C2orf42: variants seen among roughly 807,000 people sequenced by gnomAD.
C2orf42 encodes chromosome 2 open reading frame 42.
C2orf42 carries 44 observed loss-of-function variants against 58.9 expected under a neutral mutation model. That is an observed-to-expected ratio of 0.75 (90% CI 0.59 to 0.96). The LOEUF is 0.96. C2orf42 is among the 40% of genes least tolerant of loss of function. C2orf42 has a pLI of 0.00. For missense variants in C2orf42, 630 were observed against 699.2 expected (o/e 0.90, Z 1.12); for synonymous variants, 239 against 265.4 (o/e 0.90, Z 0.97).
chr2:70,165,291 T>C, intron 7 of C2orf42, 99 bp from the exon 8 acceptor site: 3 of 704,590 alleles, frequency 4.3e-6, no homozygotes, highest in Middle Eastern at 2.6e-4. Context: ...ATTATTTCCT[T>C]ATAGATTCTC....
intron 1 of C2orf42, among the ~76,000 whole-genome samples, chr2:70,188,749 G>A (rs1215024080): frequency 1.3e-5 from 2 of 152,102 alleles, no homozygotes; most frequent in East Asian, 3.9e-4. Context: ...CGTCTCCTTA[G>A]TCCCCTCAAG....
intron 5 of C2orf42, among the ~76,000 whole-genome samples, chr2:70,172,506 C>T (rs764131640): frequency 5.3e-5 from 8 of 151,998 alleles, no homozygotes; most frequent in Non-Finnish European, 8.8e-5. Flanking sequence ...GACGAAACTC[C>T]GTCTCTACTA....
chr2:70,173,655 C>T (rs998265682), intron 5 of C2orf42, among the ~76,000 whole-genome samples: 3 of 151,952 alleles, frequency 2.0e-5, no homozygotes, highest in African/African-American at 7.2e-5. Context: ...GACAAGATTT[C>T]ATCCTGTTAC....
At chr2:70,169,879 C>T (rs907391337) in intron 5 of C2orf42, among the ~76,000 whole-genome samples, 4 of 152,114 alleles carry the variant, frequency 2.6e-5, no homozygotes, top group Admixed American at 6.6e-5. Flanking sequence ...CTGCCTCAGC[C>T]TCCTGAGTAG....
chr2:70,171,087 C>T (rs1673783912), intron 5 of C2orf42, among the ~76,000 whole-genome samples: 1 of 151,244 alleles, frequency 6.6e-6, no homozygotes, highest in Admixed American at 6.6e-5. Flanking sequence ...TGCACTCCAG[C>T]CTGGGTGACA....
chr2:70,173,093 GT>G (rs1673939061), intron 5 of C2orf42, among the ~76,000 whole-genome samples: 1 of 151,894 alleles, frequency 6.6e-6, no homozygotes, highest in African/African-American at 2.4e-5. Context: ...GGAGGCGAAG[GT>G]TGCAGTGAGC....
At chr2:70,162,183 T>G (rs1456659228) in intron 8 of C2orf42, among the ~76,000 whole-genome samples, 1 of 151,714 alleles carries the variant, frequency 6.6e-6, no homozygotes, top group Non-Finnish European at 1.5e-5. Flanking sequence ...GGCTAATTTT[T>G]GTATTCTAGT....
At position 70,175,524 on chromosome 2, in the gene C2orf42, T is replaced by C. The variant is rs761795821; in HGVS notation, c.1039+149A>G. ...TTTAGCTTTGAGCATGATTTGAAACTGGTGGGACAGGAGGGACCTCAGCCT... is the reference window on the plus strand; with the variant it reads ...TTTAGCTTTGAGCATGATTTGAAACCGGTGGGACAGGAGGGACCTCAGCCT... On this transcript the variant is annotated intron_variant, in intron 5 of 9. Coordinates refer to ENST00000264434, the MANE Select transcript of C2orf42 (RefSeq NM_017880.3). 3.3e-5 allele frequency: 22 copies of C among 666,526 alleles called. No individual in the cohort carries two copies. In the East Asian group the frequency reaches 5.3e-4, roughly 16 times the overall value. The allele number at this position is 666,526 out of a possible 1,614,324, so 41.3% of individuals were successfully genotyped here.
chr2:70,183,235 A>T (rs1674693850), intron 1 of C2orf42, among the ~76,000 whole-genome samples: 1 of 152,020 alleles, frequency 6.6e-6, no homozygotes, highest in Admixed American at 6.6e-5. Flanking sequence ...CCAGGAGTTC[A>T]AGACCAGCCT....
chr2:70,173,869 C>A (rs7601752), intron 5 of C2orf42, among the ~76,000 whole-genome samples: 1 of 151,890 alleles, frequency 6.6e-6, no homozygotes, highest in South Asian at 2.1e-4. Context: ...GGATTATAGG[C>A]GTGAGCCACC....
chr2:70,176,754 G>C (rs949315823), intron 4 of C2orf42, among the ~76,000 whole-genome samples: 2 of 152,018 alleles, frequency 1.3e-5, no homozygotes, highest in African/African-American at 4.8e-5. Flanking sequence ...TCAGCTTCCT[G>C]AGTAGCTGGG....
intron 2 of C2orf42, 95 bp from the exon 3 acceptor site, chr2:70,182,092 A>G: frequency 1.5e-6 from 1 of 653,042 alleles, no homozygotes; most frequent in South Asian, 2.0e-5. Context: ...CAAAATATAA[A>G]AAAGCTATCT....
chr2:70,184,716 A>G (rs980431900), intron 1 of C2orf42, among the ~76,000 whole-genome samples: 4 of 151,988 alleles, frequency 2.6e-5, no homozygotes, highest in Admixed American at 2.6e-4. Context: ...CCTGGGCTCA[A>G]GCAATCCTCC....
At chr2:70,168,776 G>A (rs112362634) in intron 6 of C2orf42, among the ~76,000 whole-genome samples, 2 of 140,256 alleles carry the variant, frequency 1.4e-5, no homozygotes, top group Non-Finnish European at 3.1e-5. Flanking sequence ...GCAATGGTGC[G>A]ATCTTGGCTC....
chr2:70,157,641 A>G (rs1672766346), intron 9 of C2orf42, among the ~76,000 whole-genome samples: 1 of 151,998 alleles, frequency 6.6e-6, no homozygotes, highest in Non-Finnish European at 1.5e-5. Context: ...TACTAAAAAT[A>G]CAAAAATTAG....
At position 70,165,300 on chromosome 2, in the gene C2orf42, T is replaced by G. The variant is rs1426383494; in HGVS notation, c.1253-108A>C. On this transcript the variant is annotated intron_variant, in intron 7 of 9. Transcript: ENST00000264434. ...AGTACTATTATTTCCTTATAGATTC[T>G]CAGCACTTTTAAAAAGAAATTCTAG... The G allele has an allele frequency of 5.9e-6, 4 of 681,780 alleles. No individual in the cohort carries two copies. The Admixed American group carries it at 8.7e-5, about 15-fold the overall frequency. The allele number at this position is 681,780 out of a possible 1,614,324, so 42.2% of individuals were successfully genotyped here. A position where few individuals can be genotyped will look rare whatever the true frequency, so the allele number is the denominator to read the frequency against.
chr2:70,160,738 T>C lies in C2orf42; in HGVS notation c.1403A>G (p.Tyr468Cys), dbSNP rs191212969. 7 of 1,612,004 alleles carry C rather than the reference T, an allele frequency of 4.3e-6. No homozygotes were observed. In the African/African-American group the frequency reaches 5.3e-5, roughly 12 times the overall value. ...CACTTTAGGGCATTTAAATAGCTCA[T>C]AAGTCCCATCTCGGTTCTGGATAAA... ...RSFIQNRDGT[Y>C]ELFKCPKVEV... Residue 468 changes from tyrosine (Y) to cysteine (C), a missense_variant, in exon 9 of 10, where the codon TAT becomes TGT. By Grantham distance (194) the Tyr-to-Cys change is radical. Coordinates refer to ENST00000264434, the MANE Select transcript of C2orf42 (RefSeq NM_017880.3).
chr2:70,187,588 G>A (rs1424160222), intron 1 of C2orf42, among the ~76,000 whole-genome samples: 2 of 152,034 alleles, frequency 1.3e-5, no homozygotes, highest in Non-Finnish European at 2.9e-5. Flanking sequence ...TCCAGCAGGC[G>A]ATTTGTGAGT....
In C2orf42 at chr2:70,187,937, C is replaced by T. The variant is rs376273999; in HGVS notation, c.-282+3036G>A. Reference sequence around the variant, plus strand: ...AACTCCTGACCTCAGATGATCCACCCACCTCGGCCTCCCAAAGCTCTGGGA... The same window carrying T: ...AACTCCTGACCTCAGATGATCCACCTACCTCGGCCTCCCAAAGCTCTGGGA... On this transcript the variant is annotated intron_variant, in intron 1 of 9. Coordinates refer to ENST00000264434, the MANE Select transcript of C2orf42 (RefSeq NM_017880.3). Among the ~76,000 whole-genome samples, 88 of 151,844 alleles carry T rather than the reference C, an allele frequency of 5.8e-4. 1 individual carries two copies. The South Asian group carries it at 0.015, about 25-fold the overall frequency.
Sources: allele counts gnomAD v4.1 joint callset (sites outside exome capture counted in the v4.1 genomes callset), GRCh38; gene constraint gnomAD v4.1.1; transcripts MANE v1.5; gene names NCBI Gene and HGNC (gene_info 2026-07-23, HGNC 2026-07-21).